Variants in ATG2A observed in about 807,000 individuals in gnomAD.
ATG2A encodes autophagy related 2A.
A neutral mutation model predicts 214.2 loss-of-function variants in ATG2A; 103 were observed. The ratio of observed to expected loss-of-function variants is 0.48; its 90% CI spans 0.41 to 0.57. The LOEUF is 0.57. Among genes scored for constraint, ATG2A ranks in the 20% least tolerant of loss-of-function variants. The probability of loss-of-function intolerance (pLI) is 0.00; values close to 1 mark genes in which losing one functional copy is unlikely to be tolerated. For synonymous variants in ATG2A, 1,160 were observed against 1,142.1 expected (o/e 1.02, Z -0.32); for missense variants, 2,312 against 2,613.2 (o/e 0.88, Z 2.51).
At position 64,911,275 on chromosome 11, in the gene ATG2A, C is replaced by T. The variant is rs773317145; in HGVS notation, c.1229G>A (p.Gly410Asp). Reference sequence around the variant, plus strand: ...CAGGAGGGGGTTGGGGGCCATCTTGCCTGAGGGGACAGAGGCTTCAGCAGG... The same window carrying T: ...CAGGAGGGGGTTGGGGGCCATCTTGTCTGAGGGGACAGAGGCTTCAGCAGG... ...RRLSAQAHPA[G>D]KMAPNPLLDT... The change falls in exon 10 of 41, where the codon GGC becomes GAC. Residue 410 changes from glycine (G) to aspartate (D), a missense_variant and splice_region_variant. By Grantham distance (94) the Gly-to-Asp change is moderately conservative. Transcript: ENST00000377264. The T allele has an allele frequency of 1.5e-5, 25 of 1,613,088 alleles. No individual in the cohort carries two copies. The highest frequency in any genetic ancestry group is 1.5e-4 in the South Asian group (14 of 91,080).
chr11:64,900,738 G>C, intron 30 of ATG2A, 109 bp from the exon 31 acceptor site: 2 of 1,450,232 alleles, frequency 1.4e-6, no homozygotes, highest in South Asian at 2.8e-5. Context: ...CCCAGTCCTG[G>C]AAGGCAGGCG....
At position 64,902,929 on chromosome 11, in the gene ATG2A, C is replaced by G. The variant is rs546937979; in HGVS notation, c.3613-249G>C. On this transcript the variant is annotated intron_variant, in intron 26 of 40. Transcript: ENST00000377264. Reference sequence around the variant, plus strand: ...AGGAGTGTGCCCACCCACCCTACCCCACTCCCCGTGAAGGGCTCTGCATGC... The same window carrying G: ...AGGAGTGTGCCCACCCACCCTACCCGACTCCCCGTGAAGGGCTCTGCATGC... Among the ~76,000 whole-genome samples the G allele has an allele frequency of 4.0e-5, 6 of 151,878 alleles. No individual in the cohort carries two copies. In the South Asian group the frequency reaches 1.2e-3, roughly 32 times the overall value.
chr11:64,906,273 AC>A, intron 21 of ATG2A, 60 bp downstream of exon 21: 1 of 1,607,036 alleles, frequency 6.2e-7, no homozygotes, highest in Non-Finnish European at 8.5e-7. Context: ...CTGGGGTCCC[AC>A]CGCACACCGG....
In ATG2A at chr11:64,898,553, T is replaced by C. The variant is rs1304673452; in HGVS notation, c.4671+83A>G. The C allele has an allele frequency of 6.7e-7, 1 of 1,486,062 alleles. No homozygotes were observed. Among genetic ancestry groups the C allele is most frequent in the African/African-American group, 1.4e-5 (1 of 72,364 alleles). 92.1% of individuals were successfully genotyped at this position (1,486,062 alleles called of 1,614,324 possible). On this transcript the variant is annotated intron_variant, in intron 32 of 40. Transcript: ENST00000377264. This position sits in a 1 kb window ranked among gnomAD's most constrained non-coding sequence, Gnocchi z 4.5. ...GTGTTTGTGTGGGAATGCGTGTATG[T>C]GTGTGAATCCATGCATGCGTGAAGA...
At position 64,903,431 on chromosome 11, in the gene ATG2A, G is replaced by A; in HGVS notation, c.3536-67C>T. On this transcript the variant is annotated intron_variant, in intron 25 of 40. Coordinates refer to ENST00000377264, the MANE Select transcript of ATG2A (RefSeq NM_015104.3). The surrounding 1 kb of genome is among the most constrained non-coding windows in gnomAD (Gnocchi z 4.2). ...CCCGGCCCCGGCCCCAGCACCTGGG[G>A]GAAGGATCCGGTTGATCCAGGTGTA... 1 of 1,578,038 alleles carries A rather than the reference G, an allele frequency of 6.3e-7. No individual in the cohort carries two copies. Among genetic ancestry groups the A allele is most frequent in the Non-Finnish European group, 8.7e-7 (1 of 1,152,034 alleles).
chr11:64,909,213 C>G (rs1384080378), intron 15 of ATG2A, 58 bp downstream of exon 15: 2 of 1,609,780 alleles, frequency 1.2e-6, no homozygotes, highest in Admixed American at 3.4e-5. Context: ...CAAACTGGCC[C>G]CCTGCCACCC....
chr11:64,902,155 G>T lies in ATG2A; in HGVS notation c.3926C>A (p.Ser1309Ter). The change falls in exon 29 of 41, where the codon TCG (serine) becomes TAG (stop). Residue 1309 changes from serine (S) to a stop codon, truncating the protein, a stop_gained. Coordinates refer to ENST00000377264, the MANE Select transcript of ATG2A (RefSeq NM_015104.3). LOFTEE classifies it high-confidence loss of function. The stretch of plus-strand genomic sequence containing the variant: ...TGGGAATAGGTAGACGGAGATGGGC[G>T]ACGCCTGAGGGAGGTGGCCACCTAT... Reference protein sequence around the residue: ...QPSGGHLPQASPISVYLFPGE... With the variant: ...QPSGGHLPQA 6.2e-7 allele frequency: 1 copy of T among 1,613,170 alleles called. No homozygotes were observed.
At position 64,906,395 on chromosome 11, in the gene ATG2A, C is replaced by T. The variant is rs746407881; in HGVS notation, c.3122G>A (p.Arg1041Gln). 18 of 1,613,158 alleles carry T rather than the reference C, an allele frequency of 1.1e-5. No individual in the cohort carries two copies. The highest frequency in any genetic ancestry group is 9.3e-5 in the African/African-American group (7 of 74,926). Residue 1041 changes from arginine to glutamine, a missense_variant, in exon 21 of 41, where the codon CGG (arginine) becomes CAG (glutamine). Physicochemically the swap from Arg to Gln is conservative, Grantham distance 43 (BLOSUM62 1). Coordinates refer to ENST00000377264, the MANE Select transcript of ATG2A (RefSeq NM_015104.3). The part of the protein sequence containing the change: ...RGASGRKGQG[R>Q]GPHMLSTAVR... ...AGCAGTGGACAACATGTGGGGTCCC[C>T]GGCCCTGGCCCTTGCGGCCCGAGGC...
In ATG2A at chr11:64,903,215, A is replaced by T; in HGVS notation, c.3612+73T>A. 1 of 1,420,884 alleles carries T rather than the reference A, an allele frequency of 7.0e-7. No individual in the cohort carries two copies. The highest frequency in any genetic ancestry group is 9.9e-7 in the Non-Finnish European group (1 of 1,010,974). The allele number at this position is 1,420,884 out of a possible 1,614,324, so 88.0% of individuals were successfully genotyped here. ...CCGGAGCCCAGGCACGTGAGGGAGC[A>T]GCAGCCCCTGAAGACTCCCTTGGCC... On this transcript the variant is annotated intron_variant, in intron 26 of 40. Transcript: ENST00000377264. This position sits in a 1 kb window ranked among gnomAD's most constrained non-coding sequence, Gnocchi z 4.2.
Position 64,901,964 on chromosome 11 carries a change from G to A in ATG2A, c.4117C>T (p.Pro1373Ser). 1.9e-6 allele frequency: 3 copies of A among 1,612,642 alleles called. No homozygotes were observed. The highest frequency in any genetic ancestry group is 2.5e-6 in the Non-Finnish European group (3 of 1,179,980). The change falls in exon 29 of 41, where the codon CCG (proline) becomes TCG (serine). Residue 1373 changes from proline (P) to serine (S), a missense_variant and splice_region_variant. Pro to Ser is a moderately conservative substitution (Grantham distance 74, BLOSUM62 -1). Transcript: ENST00000377264. ...CILDAPGLGI[P>S]PRDGEPVVTQ... Reference sequence around the variant, plus strand: ...GGTCCATCCCTCCCACCACGCACCGGGATGCCCAGGCCGGGAGCATCAAGG... The same window carrying A: ...GGTCCATCCCTCCCACCACGCACCGAGATGCCCAGGCCGGGAGCATCAAGG...
intron 16 of ATG2A, 89 bp from the exon 17 acceptor site, chr11:64,907,979 G>C: frequency 1.4e-6 from 2 of 1,443,802 alleles, no homozygotes; most frequent in Non-Finnish European, 1.9e-6. Context: ...CCCTCCTGTC[G>C]TTCATCATTC....
In ATG2A at chr11:64,909,943, T is replaced by A. The variant is rs1440319664; in HGVS notation, c.1864-19A>T. 1.9e-6 allele frequency: 3 copies of A among 1,590,410 alleles called. No homozygotes were observed. Among genetic ancestry groups the A allele is most frequent in the Non-Finnish European group, 2.6e-6 (3 of 1,168,654 alleles). On this transcript the variant is annotated intron_variant, in intron 13 of 40. Transcript: ENST00000377264. Reference sequence around the variant, plus strand: ...GCTCTGTCTGCAGGAGGATTGGGGGTCAGAGCAGCCGTCGGAGCCCCTCCC... The same window carrying A: ...GCTCTGTCTGCAGGAGGATTGGGGGACAGAGCAGCCGTCGGAGCCCCTCCC...
At chr11:64,902,738 C>A in intron 26 of ATG2A, 58 bp from the exon 27 acceptor site, 8 of 1,523,882 alleles carry the variant, frequency 5.2e-6, no homozygotes, top group Non-Finnish European at 6.3e-6. Flanking sequence ...TGCCTGCTGG[C>A]CCCACCCGCT....
rs781621889 is a variant in ATG2A, at chr11:64,912,108, G to C, written c.1064C>G (p.Pro355Arg). 3.1e-6 allele frequency: 5 copies of C among 1,613,548 alleles called. No individual in the cohort carries two copies. The highest frequency in any genetic ancestry group is 3.3e-5 in the Admixed American group (2 of 59,990). The change falls in exon 8 of 41, where the codon CCC (proline) becomes CGC (arginine). Residue 355 changes from proline (P) to arginine (R), a missense_variant. Pro to Arg is a moderately radical substitution (Grantham distance 103). Coordinates refer to ENST00000377264, the MANE Select transcript of ATG2A (RefSeq NM_015104.3). ...EPLSPDPLTN[P>R]LLNLDNTDLF... The stretch of plus-strand genomic sequence containing the variant: ...ACCAGTGTTATCCAGGTTGAGAAGG[G>C]GGTTGGTAAGGGGGTCTGGGCTGAG...
chr11:64,908,412 C>T (rs959553404), intron 16 of ATG2A, among the ~76,000 whole-genome samples: 1 of 152,120 alleles, frequency 6.6e-6, no homozygotes, highest in African/African-American at 2.4e-5. Context: ...ATTAGCCGGG[C>T]GTGGTGGCAC....
rs778767328 is a variant in ATG2A at position 64,913,181 on chromosome 11, G to A, written c.727-45C>T. 2.2e-5 allele frequency: 36 copies of A among 1,603,710 alleles called. No homozygotes were observed. In the Admixed American group the frequency reaches 2.4e-4, roughly 11 times the overall value. On this transcript the variant is annotated intron_variant, in intron 5 of 40. Coordinates refer to ENST00000377264, the MANE Select transcript of ATG2A (RefSeq NM_015104.3). The surrounding 1 kb of genome is among the most constrained non-coding windows in gnomAD (Gnocchi z 4.3). ...AAGAGGGAAAGGTTGAGAAAATGGA[G>A]TCAGAGATGGTCAGAAAGGATGGGA...
chr11:64,895,473 A>G lies in ATG2A; in HGVS notation c.5428-31T>C. On this transcript the variant is annotated intron_variant, in intron 39 of 40. Coordinates refer to ENST00000377264, the MANE Select transcript of ATG2A (RefSeq NM_015104.3). The surrounding 1 kb of genome is among the most constrained non-coding windows in gnomAD (Gnocchi z 5.0). ...GGACATGGGAGCACTGGATGAGGAC[A>G]GCTGGCTGGGGCACACGTCAGCCCC... is the stretch of plus-strand genomic sequence containing the variant. 1 of 1,514,832 alleles carries G rather than the reference A, an allele frequency of 6.6e-7. No homozygotes were observed. Among genetic ancestry groups the G allele is most frequent in the Non-Finnish European group, 8.9e-7 (1 of 1,127,558 alleles). 93.8% of individuals were successfully genotyped at this position (1,514,832 alleles called of 1,614,324 possible).
chr11:64,896,139 T>C (rs903810742), intron 39 of ATG2A, among the ~76,000 whole-genome samples: 2 of 152,228 alleles, frequency 1.3e-5, no homozygotes, highest in Non-Finnish European at 2.9e-5. Flanking sequence ...GGGCAGCCTC[T>C]GCGCCTCAGA....
At position 64,913,614 on chromosome 11, in the gene ATG2A, G is replaced by C; in HGVS notation, c.590+207C>G. ...CTCAGCATCTAACTTGGTTCTTGGG[G>C]CCTCGGCCACTCTGGGCCTGTATCA... On this transcript the variant is annotated intron_variant, in intron 4 of 40. Transcript: ENST00000377264. This position sits in a 1 kb window ranked among gnomAD's most constrained non-coding sequence, Gnocchi z 4.3. 1 of 807,034 alleles carries C rather than the reference G, an allele frequency of 1.2e-6. No individual in the cohort carries two copies. Among genetic ancestry groups the C allele is most frequent in the Non-Finnish European group, 1.9e-6 (1 of 525,256 alleles). The allele number at this position is 807,034 out of a possible 1,614,324, so 50.0% of individuals were successfully genotyped here. A position where few individuals can be genotyped will look rare whatever the true frequency, so the allele number is the denominator to read the frequency against.
Sources: allele counts gnomAD v4.1 joint callset (sites outside exome capture counted in the v4.1 genomes callset), GRCh38; gene constraint gnomAD v4.1.1; non-coding constraint Gnocchi (gnomAD v3.1); transcripts MANE v1.5; gene names NCBI Gene and HGNC (gene_info 2026-07-23, HGNC 2026-07-21).